Variants in FBXL17 observed in about 807,000 individuals in gnomAD.
FBXL17 encodes F-box/LRR-repeat protein 17.
FBXL17 carries 22 observed loss-of-function variants against 66.2 expected under a neutral mutation model. The observed-to-expected ratio is 0.33, with a 90% CI of 0.24 to 0.47. FBXL17 has a LOEUF of 0.47. Ranked by LOEUF, FBXL17 falls within the 20% of genes least tolerant of loss-of-function variation. The pLI is 1.00. For synonymous variants in FBXL17, 474 were observed against 400.5 expected, an observed-to-expected ratio of 1.18 and a Z score of -2.19; for missense variants, 878 against 948.2, an observed-to-expected ratio of 0.93 and a Z score of 0.97.
At chr5:108,290,875 T>G (rs537373798) in intron 4 of FBXL17, among the ~76,000 whole-genome samples, 2 of 152,234 alleles carry the variant, frequency 1.3e-5, no homozygotes, top group African/African-American at 4.8e-5. Context: ...GTGATTCAAT[T>G]AATGCTAATG....
chr5:108,345,442 A>G (rs901449468), intron 4 of FBXL17, among the ~76,000 whole-genome samples: 1 of 151,902 alleles, frequency 6.6e-6, no homozygotes, highest in African/African-American at 2.4e-5. Flanking sequence ...CCACATGAAT[A>G]AAACTTCTCC....
At chr5:108,377,764 GTCC>G (rs1489184249) in intron 1 of FBXL17, among the ~76,000 whole-genome samples, 3 of 152,250 alleles carry the variant, frequency 2.0e-5, no homozygotes, top group African/African-American at 4.8e-5. Context: ...TTTTATGCTT[GTCC>G]TCCTCATTTT....
intron 7 of FBXL17, among the ~76,000 whole-genome samples, chr5:107,999,060 G>A (rs901170430): frequency 2.0e-5 from 3 of 152,186 alleles, no homozygotes; most frequent in African/African-American, 7.2e-5. Flanking sequence ...CTTGCCATCA[G>A]TGCCAGCTCC....
chr5:108,043,525 TCA>T (rs1231527011), intron 6 of FBXL17, among the ~76,000 whole-genome samples: 1 of 152,184 alleles, frequency 6.6e-6, no homozygotes, highest in Non-Finnish European at 1.5e-5. Flanking sequence ...TTTGGCAAAC[TCA>T]CATAAGCATA....
intron 6 of FBXL17, among the ~76,000 whole-genome samples, chr5:108,113,720 A>G (rs1028643536): frequency 2.0e-5 from 3 of 152,136 alleles, no homozygotes; most frequent in African/African-American, 7.2e-5. Flanking sequence ...AATTGGTAAA[A>G]TACCTAAATT....
intron 4 of FBXL17, among the ~76,000 whole-genome samples, chr5:108,312,822 C>T (rs972742634): frequency 2.0e-5 from 3 of 152,038 alleles, no homozygotes; most frequent in African/African-American, 4.8e-5. Context: ...TAAATTACTC[C>T]AATACCGATA....
chr5:108,269,587 T>C (rs1236539260), intron 4 of FBXL17, among the ~76,000 whole-genome samples: 1 of 152,184 alleles, frequency 6.6e-6, no homozygotes, highest in East Asian at 1.9e-4. Context: ...ATCTTCATTC[T>C]CTAGACCTGG....
chr5:108,352,184 G>T (rs557701051), intron 3 of FBXL17, among the ~76,000 whole-genome samples: 1 of 152,288 alleles, frequency 6.6e-6, no homozygotes, highest in East Asian at 1.9e-4. Flanking sequence ...TGCAGAAACT[G>T]ATATTCTGTT....
At chr5:107,983,141 C>G (rs1371833081) in intron 7 of FBXL17, among the ~76,000 whole-genome samples, 1 of 152,068 alleles carries the variant, frequency 6.6e-6, no homozygotes, top group Non-Finnish European at 1.5e-5. Flanking sequence ...ATTTGCTTAC[C>G]CAGATGGGGT....
intron 6 of FBXL17, among the ~76,000 whole-genome samples, chr5:108,085,090 G>A (rs1236005399): frequency 6.6e-6 from 1 of 152,212 alleles, no homozygotes; most frequent in Non-Finnish European, 1.5e-5. Flanking sequence ...AAAAAGACAA[G>A]ATGAAAGTCA....
intron 6 of FBXL17, among the ~76,000 whole-genome samples, chr5:108,116,775 A>G (rs1750275697): frequency 6.6e-6 from 1 of 152,158 alleles, no homozygotes; most frequent in African/African-American, 2.4e-5. Context: ...TCAAAAAAAC[A>G]GCTCAGATAG....
intron 4 of FBXL17, among the ~76,000 whole-genome samples, chr5:108,341,872 G>GCAT (rs1226528702): frequency 6.6e-6 from 1 of 152,048 alleles, no homozygotes; most frequent in Non-Finnish European, 1.5e-5. Context: ...ATGTCTGCTT[G>GCAT]CATATTCATC....
At chr5:108,138,004 T>A (rs1751208662) in intron 6 of FBXL17, among the ~76,000 whole-genome samples, 1 of 152,184 alleles carries the variant, frequency 6.6e-6, no homozygotes, top group African/African-American at 2.4e-5. Context: ...TTTTCTAGAA[T>A]TTTTTGTCTA....
At chr5:108,359,111 T>C (rs572624472) in intron 3 of FBXL17, among the ~76,000 whole-genome samples, 1 of 152,280 alleles carries the variant, frequency 6.6e-6, no homozygotes, top group South Asian at 2.1e-4. Context: ...CAGTTATTCA[T>C]GGTTTTCTCA....
intron 4 of FBXL17, among the ~76,000 whole-genome samples, chr5:108,312,880 G>A (rs1025892012): frequency 1.3e-5 from 2 of 152,158 alleles, no homozygotes; most frequent in African/African-American, 4.8e-5. Context: ...AATATGATAA[G>A]CTAATAACAG....
intron 6 of FBXL17, among the ~76,000 whole-genome samples, chr5:108,031,820 T>TTGCA (rs1377878652): frequency 1.3e-5 from 2 of 152,162 alleles, no homozygotes; most frequent in Admixed American, 6.6e-5. Flanking sequence ...ATAATGGAAA[T>TTGCA]GCATCTGCAA....
chr5:107,933,048 C>A (rs1750783428), intron 7 of FBXL17, among the ~76,000 whole-genome samples: 1 of 152,116 alleles, frequency 6.6e-6, no homozygotes, highest in Non-Finnish European at 1.5e-5. Flanking sequence ...ATTTTGAGGT[C>A]CAGCAGTGGA....
intron 4 of FBXL17, among the ~76,000 whole-genome samples, chr5:108,334,474 C>T (rs1000217311): frequency 3.3e-5 from 5 of 152,280 alleles, no homozygotes; most frequent in South Asian, 2.1e-4. Flanking sequence ...GACCTGACAA[C>T]GCCTATGGGC....
chr5:108,366,188 C>T (rs1748651235), intron 2 of FBXL17, among the ~76,000 whole-genome samples: 1 of 152,060 alleles, frequency 6.6e-6, no homozygotes, highest in Non-Finnish European at 1.5e-5. Context: ...GGAACGTCCA[C>T]ATCAAAAAGT....
Sources: gnomAD v4.1 joint callset for allele counts (sites outside exome capture counted in the v4.1 genomes callset) on GRCh38, gnomAD v4.1.1 for gene constraint, MANE v1.5 for transcripts, NCBI Gene and HGNC (gene_info 2026-07-23, HGNC 2026-07-21) for gene names.